The following TRIM58 variants were observed in gnomAD, a reference collection of about 807,000 sequenced individuals.
The protein encoded by TRIM58 is tripartite motif containing 58, also known as E3 ubiquitin-protein ligase TRIM58.
Under a neutral mutation model 34.1 loss-of-function variants are expected in TRIM58, and 38 were observed. That is an observed-to-expected ratio of 1.12 (90% CI 0.86 to 1.46). TRIM58 has a LOEUF of 1.46. Ranked by LOEUF, TRIM58 falls within the 40% of genes most tolerant of loss-of-function variation. TRIM58 has a pLI of 0.00. For synonymous variants in TRIM58, 273 were observed against 275.7 expected (o/e 0.99, Z 0.10); for missense variants, 677 against 642.0 (o/e 1.05, Z -0.59).
At position 247,877,739 on chromosome 1, in the gene TRIM58, A is replaced by G. The variant is rs1227314652; in HGVS notation, c.*1250A>G. On this transcript the variant is annotated 3_prime_UTR_variant, in exon 6 of 6. Coordinates refer to ENST00000366481, the MANE Select transcript of TRIM58 (RefSeq NM_015431.4). ...TTCAGCTTTTCCATTTAAATACATT[A>G]TAATGATGATGATGAAATCATGATA... The G allele has an allele frequency of 6.6e-6, 1 of 152,202 alleles. No individual in the cohort carries two copies. The highest frequency in any genetic ancestry group is 1.5e-5 in the Non-Finnish European group (1 of 68,036). 9.4% of individuals were successfully genotyped at this position (152,202 alleles called of 1,614,324 possible).
At chr1:247,873,380 A>G (rs563448714) in intron 5 of TRIM58, among the ~76,000 whole-genome samples, 120 of 152,330 alleles carry the variant, frequency 7.9e-4, no homozygotes, top group Middle Eastern at 3.4e-3. Flanking sequence ...GATACAGACC[A>G]TATCAAAAGC....
intron 5 of TRIM58, among the ~76,000 whole-genome samples, chr1:247,871,424 T>G (rs900777434): frequency 1.3e-5 from 2 of 152,252 alleles, no homozygotes; most frequent in Non-Finnish European, 2.9e-5. Context: ...CTGATTGTAT[T>G]ATTCTTTAAA....
intron 5 of TRIM58, among the ~76,000 whole-genome samples, chr1:247,870,098 T>C (rs1323652141): frequency 6.6e-6 from 1 of 152,166 alleles, no homozygotes; most frequent in African/African-American, 2.4e-5. Flanking sequence ...CAATATGAGC[T>C]AAATTAATTA....
At chr1:247,867,761 A>G (rs1663964090) in intron 3 of TRIM58, 84 bp from the exon 4 acceptor site, 3 of 1,499,494 alleles carry the variant, frequency 2.0e-6, no homozygotes, top group East Asian at 2.3e-5. Flanking sequence ...AGTAGTTTCT[A>G]AGGAAATTTT....
rs1371285985 is a variant in TRIM58, at chr1:247,878,327, T to A, written c.*1838T>A. The A allele has an allele frequency of 6.6e-6, 1 of 152,198 alleles. No homozygotes were observed. Among genetic ancestry groups the A allele is most frequent in the Admixed American group, 6.5e-5 (1 of 15,278 alleles). 9.4% of individuals were successfully genotyped at this position (152,198 alleles called of 1,614,324 possible). On this transcript the variant is annotated 3_prime_UTR_variant, in exon 6 of 6. Transcript: ENST00000366481. ...TCTGCAGAAGGTTTAATTTTCCTCCTCAATTTGAAGTTCAAGATGTTTTTC... is the reference window on the plus strand; with the variant it reads ...TCTGCAGAAGGTTTAATTTTCCTCCACAATTTGAAGTTCAAGATGTTTTTC...
Position 247,878,793 on chromosome 1 carries a change from G to C in TRIM58, c.*2304G>C, listed in dbSNP as rs939801268. On this transcript the variant is annotated 3_prime_UTR_variant, in exon 6 of 6. Transcript: ENST00000366481. ...TTCCCACTGTGTAGCCCAGTACTCTGGTCTCACTGTCTCTGCTGAATCCTG... is the reference window on the plus strand; with the variant it reads ...TTCCCACTGTGTAGCCCAGTACTCTCGTCTCACTGTCTCTGCTGAATCCTG... 6.6e-6 allele frequency among the ~76,000 whole-genome samples: 1 copy of C among 152,146 alleles called. No individual in the cohort carries two copies. The highest frequency in any genetic ancestry group is 1.5e-5 in the Non-Finnish European group (1 of 68,030).
chr1:247,861,659 A>G (rs1410877273), intron 2 of TRIM58, among the ~76,000 whole-genome samples: 1 of 151,906 alleles, frequency 6.6e-6, no homozygotes, highest in African/African-American at 2.4e-5. Context: ...CACTCTATAT[A>G]TTTATAATTA....
rs1160793951 is a variant in TRIM58 at position 247,857,387 on chromosome 1, G to A, written c.141G>A (p.Ser47=). The A allele has an allele frequency of 1.3e-6, 2 of 1,525,406 alleles. No homozygotes were observed. The highest frequency in any genetic ancestry group is 1.2e-5 in the South Asian group (1 of 80,228). 94.5% of individuals were successfully genotyped at this position (1,525,406 alleles called of 1,614,324 possible). Residue 47 remains serine (S), a synonymous_variant, in exon 1 of 6, where the codon TCG becomes TCA. Transcript: ENST00000366481. The part of the protein sequence containing the change: ...LRCISEFCEK[S]DGAQGGVYAC... ...GCATCTCCGAGTTCTGCGAGAAGTC[G>A]GACGGCGCGCAGGGCGGCGTCTACG...
At chr1:247,871,324 G>C (rs1216026153) in intron 5 of TRIM58, among the ~76,000 whole-genome samples, 1 of 152,182 alleles carries the variant, frequency 6.6e-6, no homozygotes, top group Non-Finnish European at 1.5e-5. Context: ...TTGATGAGTT[G>C]CTTGAATTAG....
At position 247,864,920 on chromosome 1, in the gene TRIM58, C is replaced by T. The variant is rs1663887121; in HGVS notation, c.732C>T (p.Ala244=). The stretch of plus-strand genomic sequence containing the variant: ...TGCAGGAGAGGTGCCAGCGCCCGGC[C>T]CTGGGTCTGCTGGAGGTGAGGCCGG... The part of the protein sequence containing the change: ...DELQERCQRP[A]LGLLEGVRGV... Residue 244 remains alanine, a synonymous_variant, in exon 3 of 6, where the codon GCC becomes GCT. Transcript: ENST00000366481. 9 of 1,578,736 alleles carry T rather than the reference C, an allele frequency of 5.7e-6. No individual in the cohort carries two copies. The highest frequency in any genetic ancestry group is 1.1e-5 in the South Asian group (1 of 87,038).
chr1:247,861,575 T>C (rs1458622686), intron 2 of TRIM58, among the ~76,000 whole-genome samples: 1 of 152,096 alleles, frequency 6.6e-6, no homozygotes, highest in African/African-American at 2.4e-5. Context: ...TTATATAATA[T>C]GATATATAAT....
At position 247,864,790 on chromosome 1, in the gene TRIM58, T is replaced by C. The variant is rs1558350007; in HGVS notation, c.602T>C (p.Leu201Pro). The change falls in exon 3 of 6, where the codon CTG becomes CCG. Residue 201 changes from leucine to proline, a missense_variant. Coordinates refer to ENST00000366481, the MANE Select transcript of TRIM58 (RefSeq NM_015431.4). Reference protein sequence around the residue: ...GFLAQEEQRQLRRLEAEERAT... With the variant: ...GFLAQEEQRQPRRLEAEERAT... ...CTGGCCCAGGAGGAGCAACGGCAGC[T>C]GAGGCGGCTGGAGGCGGAGGAGCGA... 6.2e-7 allele frequency: 1 copy of C among 1,614,106 alleles called. No homozygotes were observed. Among genetic ancestry groups the C allele is most frequent in the Non-Finnish European group, 8.5e-7 (1 of 1,180,030 alleles).
intron 5 of TRIM58, among the ~76,000 whole-genome samples, chr1:247,869,998 A>G (rs1215384133): frequency 6.6e-6 from 1 of 152,122 alleles, no homozygotes; most frequent in Admixed American, 6.6e-5. Context: ...TGGAGTGCAT[A>G]CAGTGGCTTG....
At position 247,857,233 on chromosome 1, in the gene TRIM58, C is replaced by G. The variant is rs776632036; in HGVS notation, c.-14C>G. ...TGCGGGCGGCCGGGAGCGCAGCCCT[C>G]CGGGAGGCGGGTCATGGCCTGGGCG... On this transcript the variant is annotated 5_prime_UTR_variant, in exon 1 of 6. Transcript: ENST00000366481. The G allele has an allele frequency of 5.3e-6, 7 of 1,312,460 alleles. No individual in the cohort carries two copies. In the African/African-American group the frequency reaches 1.1e-4, roughly 20 times the overall value. 81.3% of individuals were successfully genotyped at this position (1,312,460 alleles called of 1,614,324 possible).
At chr1:247,864,083 C>G (rs1663860667) in intron 2 of TRIM58, among the ~76,000 whole-genome samples, 1 of 152,100 alleles carries the variant, frequency 6.6e-6, no homozygotes, top group South Asian at 2.1e-4. Flanking sequence ...TGTGACTGCT[C>G]TATGCTAATC....
Position 247,867,820 on chromosome 1 carries a change from C to T in TRIM58, c.748-25C>T, listed in dbSNP as rs376726654. On this transcript the variant is annotated intron_variant, in intron 3 of 5. Transcript: ENST00000366481. ...GAAAAGCAGTTCAGAGTCCAACTCA[C>T]ACTGTGTTTTTCTTTCCTTTTCAGG... The T allele has an allele frequency of 3.7e-6, 6 of 1,614,002 alleles. No individual in the cohort carries two copies. In the East Asian group the frequency reaches 8.9e-5, roughly 24 times the overall value.
chr1:247,877,681 AT>A lies in TRIM58; in HGVS notation c.*1195del, dbSNP rs1253675724. 1 of 152,184 alleles carries A rather than the reference AT, an allele frequency of 6.6e-6. No homozygotes were observed. Among genetic ancestry groups the A allele is most frequent in the Non-Finnish European group, 1.5e-5 (1 of 68,044 alleles). 9.4% of individuals were successfully genotyped at this position (152,184 alleles called of 1,614,324 possible). Reference sequence around the variant, plus strand: ...CTGGCCTCACTGTGTTATGGTAAATATTTAAGGTCATATTTGATATTGCTGG... The same window carrying A: ...CTGGCCTCACTGTGTTATGGTAAATATTAAGGTCATATTTGATATTGCTGG... On this transcript the variant is annotated 3_prime_UTR_variant, in exon 6 of 6. Transcript: ENST00000366481.
rs1432225652 is a variant in TRIM58 at position 247,857,678 on chromosome 1, C to G, written c.420+12C>G. 2 of 1,224,044 alleles carry G rather than the reference C, an allele frequency of 1.6e-6. No individual in the cohort carries two copies. Among genetic ancestry groups the G allele is most frequent in the African/African-American group, 3.1e-5 (2 of 63,574 alleles). The allele number at this position is 1,224,044 out of a possible 1,614,324, so 75.8% of individuals were successfully genotyped here. On this transcript the variant is annotated intron_variant, in intron 1 of 5. Coordinates refer to ENST00000366481, the MANE Select transcript of TRIM58 (RefSeq NM_015431.4). ...CCGGCAGCTACCAGGTGAGGCGCCC[C>G]CCGGCGGGGGCTGCGGGCGCTGCGG...
chr1:247,875,100 A>G (rs1258564991), intron 5 of TRIM58, among the ~76,000 whole-genome samples: 4 of 152,068 alleles, frequency 2.6e-5, no homozygotes, highest in African/African-American at 9.7e-5. Context: ...AGCCAGAGAA[A>G]ACTTTCTGAT....
Sources: allele counts gnomAD v4.1 joint callset (sites outside exome capture counted in the v4.1 genomes callset), GRCh38; gene constraint gnomAD v4.1.1; transcripts MANE v1.5; gene names NCBI Gene and HGNC (gene_info 2026-07-23, HGNC 2026-07-21).